ARAP1: variants seen among roughly 807,000 people sequenced by gnomAD.
The protein encoded by ARAP1 is ArfGAP with RhoGAP domain, ankyrin repeat and PH domain 1, also known as arf-GAP with Rho-GAP domain, ANK repeat and PH domain-containing protein 1.
Under a neutral mutation model 172.2 loss-of-function variants are expected in ARAP1, and 76 were observed. The ratio of observed to expected loss-of-function variants is 0.44; its 90% CI spans 0.37 to 0.53. ARAP1 has a LOEUF of 0.53. Among genes scored for constraint, ARAP1 ranks in the 20% least tolerant of loss-of-function variants. The probability of loss-of-function intolerance (pLI) is 0.00; values close to 1 mark genes in which losing one functional copy is unlikely to be tolerated. For missense variants in ARAP1, 1,686 were observed against 1,977.5 expected, an observed-to-expected ratio of 0.85 and a Z score of 2.80; for synonymous variants, 804 against 803.3, an observed-to-expected ratio of 1.00 and a Z score of -0.01.
At chr11:72,716,527 A>C (rs538770687) in intron 3 of ARAP1, among the ~76,000 whole-genome samples, 9 of 152,286 alleles carry the variant, frequency 5.9e-5, no homozygotes, top group Non-Finnish European at 1.2e-4. Context: ...AACTATAAGC[A>C]GATTCTATAT....
chr11:72,712,761 C>A (rs929622255), intron 5 of ARAP1, 193 bp from the exon 6 acceptor site: 3 of 908,018 alleles, frequency 3.3e-6, no homozygotes, highest in Non-Finnish European at 3.4e-6. Flanking sequence ...ACAGGAGAGC[C>A]AGTGGCAGAA....
chr11:72,686,696 T>A (rs1855701931), intron 33 of ARAP1, among the ~76,000 whole-genome samples: 1 of 152,082 alleles, frequency 6.6e-6, no homozygotes, highest in Non-Finnish European at 1.5e-5. Context: ...GGCTCAGGAG[T>A]CATCCCCACC....
rs1856983021 is a variant in ARAP1 at position 72,710,892 on chromosome 11, G to A, written c.1213+129C>T. The A allele has an allele frequency of 2.0e-6, 3 of 1,537,552 alleles. No homozygotes were observed. In the South Asian group the frequency reaches 3.8e-5, roughly 19 times the overall value. On this transcript the variant is annotated intron_variant, in intron 9 of 34. Coordinates refer to ENST00000393609, the MANE Select transcript of ARAP1 (RefSeq NM_001040118.3). The surrounding 1 kb of genome is among the most constrained non-coding windows in gnomAD (Gnocchi z 4.3). Reference sequence around the variant, plus strand: ...CCCCTTCCTCTGCCCACCTCACAAAGGCAGCATGCCTCCCCGGATGTGATG... The same window carrying A: ...CCCCTTCCTCTGCCCACCTCACAAAAGCAGCATGCCTCCCCGGATGTGATG...
intron 1 of ARAP1, among the ~76,000 whole-genome samples, chr11:72,747,522 C>G (rs1342999929): frequency 6.6e-6 from 1 of 152,130 alleles, no homozygotes; most frequent in Non-Finnish European, 1.5e-5. Flanking sequence ...GAAGGAAGCT[C>G]AACACTTCAG....
intron 16 of ARAP1, 88 bp downstream of exon 16, chr11:72,701,561 T>A (rs1856484237): frequency 1.3e-6 from 2 of 1,514,350 alleles, no homozygotes; most frequent in African/African-American, 1.4e-5. Flanking sequence ...TCTGCCAGAG[T>A]CCACCAGTCT....
In ARAP1 at chr11:72,693,403, C is replaced by T. The variant is rs1856026068; in HGVS notation, c.3876G>A (p.Leu1292=). The change falls in exon 29 of 35, where the codon CTG becomes CTA. Residue 1292 remains leucine (L), a synonymous_variant. Coordinates refer to ENST00000393609, the MANE Select transcript of ARAP1 (RefSeq NM_001040118.3). This position sits in a 1 kb window ranked among gnomAD's most constrained non-coding sequence, Gnocchi z 4.6. ...CGTGGAAGCCACCTGAGGGCAGGCC[C>T]AGGCCCAGGAGGCTGCGGTCCTCAC... The part of the protein sequence containing the change: ...KFREDRSLLG[L]GLPSGGFHDR... The T allele has an allele frequency of 1.2e-6, 2 of 1,613,930 alleles. No homozygotes were observed. Among genetic ancestry groups the T allele is most frequent in the East Asian group, 4.5e-5 (2 of 44,870 alleles).
Position 72,686,104 on chromosome 11 carries a change from G to C in ARAP1, c.4273C>G (p.Leu1425Val), listed in dbSNP as rs903144429. ...VRLGSVSLIP[L>V]RGSENEMRRS... The stretch of plus-strand genomic sequence containing the variant: ...CGCATTTCATTTTCACTACCTCGAA[G>C]GGGGATCAGTGACACACTACCCAGC... Residue 1425 changes from leucine to valine, a missense_variant, in exon 34 of 35, where the codon CTT becomes GTT. Physicochemically the swap from Leu to Val is conservative, Grantham distance 32 (BLOSUM62 1). Around this residue, in one of 5 missense-constraint regions of ARAP1, gnomAD observed 379 missense variants for 500.1 expected, o/e 0.76. Transcript: ENST00000393609. The C allele has an allele frequency of 1.2e-6, 2 of 1,613,978 alleles. No homozygotes were observed. The highest frequency in any genetic ancestry group is 1.6e-4 in the Middle Eastern group (1 of 6,084).
intron 30 of ARAP1, among the ~76,000 whole-genome samples, chr11:72,691,207 A>C (rs564926089): frequency 1.3e-5 from 2 of 152,352 alleles, no homozygotes; most frequent in African/African-American, 4.8e-5. Flanking sequence ...GGAAGTGGGG[A>C]CAGCCCTCTT....
At position 72,701,663 on chromosome 11, in the gene ARAP1, C is replaced by T. The variant is rs201682078; in HGVS notation, c.2288G>A (p.Arg763His). Residue 763 changes from arginine to histidine, a missense_variant, in exon 16 of 35, where the codon CGC becomes CAC. By Grantham distance (29) the Arg-to-His change is conservative. Around this residue, in one of 5 missense-constraint regions of ARAP1, gnomAD observed 688 missense variants for 856.9 expected, o/e 0.80. Transcript: ENST00000393609. ...GTGGCACCCACCTTCCCGGGCCCGGCGGTCCTGTAGCAGCTTGCCGGCAGA... is the reference window on the plus strand; with the variant it reads ...GTGGCACCCACCTTCCCGGGCCCGGTGGTCCTGTAGCAGCTTGCCGGCAGA... The part of the protein sequence containing the change: ...TASAGKLLQD[R>H]RAREEFSRRW... 15 of 1,613,248 alleles carry T rather than the reference C, an allele frequency of 9.3e-6. No individual in the cohort carries two copies. The highest frequency in any genetic ancestry group is 8.9e-5 in the East Asian group (4 of 44,838).
At chr11:72,716,029 C>T (rs1209538191) in intron 3 of ARAP1, among the ~76,000 whole-genome samples, 2 of 151,786 alleles carry the variant, frequency 1.3e-5, no homozygotes, top group African/African-American at 4.8e-5. Flanking sequence ...AAAAATTAGC[C>T]GGACGTGGTG....
In ARAP1 at chr11:72,711,007, C is replaced by T; in HGVS notation, c.1213+14G>A. On this transcript the variant is annotated intron_variant, in intron 9 of 34. Coordinates refer to ENST00000393609, the MANE Select transcript of ARAP1 (RefSeq NM_001040118.3). ...CCTCTTCTACACACACACACAACAC[C>T]CCACACTCCCCACCATCACTCTCTG... The T allele has an allele frequency of 6.2e-7, 1 of 1,614,108 alleles. No homozygotes were observed. The highest frequency in any genetic ancestry group is 8.5e-7 in the Non-Finnish European group (1 of 1,179,980).
intron 1 of ARAP1, among the ~76,000 whole-genome samples, chr11:72,746,263 T>C (rs1858361792): frequency 6.6e-6 from 1 of 152,130 alleles, no homozygotes; most frequent in African/African-American, 2.4e-5. Flanking sequence ...AGTGCCCCTC[T>C]GCTACCACCT....
chr11:72,721,686 T>A (rs567457645), intron 3 of ARAP1, among the ~76,000 whole-genome samples: 6 of 149,512 alleles, frequency 4.0e-5, no homozygotes, highest in African/African-American at 1.2e-4. Flanking sequence ...AGAGAAGAAG[T>A]GGGGAAAGTG....
At chr11:72,705,965 A>ACCCC in intron 12 of ARAP1, 75 bp from the exon 13 acceptor site, 1 of 1,491,968 alleles carries the variant, frequency 6.7e-7, no homozygotes, top group Non-Finnish European at 9.3e-7. Context: ...CCCAGTGTCT[A>ACCCC]CTGGGACAGG....
intron 1 of ARAP1, among the ~76,000 whole-genome samples, chr11:72,745,879 T>C (rs1337839058): frequency 4.6e-5 from 7 of 152,164 alleles, no homozygotes; most frequent in Non-Finnish European, 1.0e-4. Context: ...GCCTCTTGAG[T>C]GCAGCTGCTG....
Position 72,697,093 on chromosome 11 carries a change from T to C in ARAP1, c.3056A>G (p.Glu1019Gly). 6.2e-7 allele frequency: 1 copy of C among 1,609,374 alleles called. No homozygotes were observed. Among genetic ancestry groups the C allele is most frequent in the Non-Finnish European group, 8.5e-7 (1 of 1,179,924 alleles). The change falls in exon 22 of 35, where the codon GAG becomes GGG. Residue 1019 changes from glutamate (E) to glycine (G), a missense_variant. Physicochemically the swap from Glu to Gly is moderately conservative, Grantham distance 98. Transcript: ENST00000393609. ...RQDARSVHLK[E>G]GEQHVDDVSS... ...AACATCATCCACGTGCTGCTCGCCC[T>C]CCTTGAGGTGCACAGAGCGCGCATC...
In ARAP1 at chr11:72,696,971, T is replaced by C. The variant is rs773825529; in HGVS notation, c.3166+12A>G. 5 of 1,599,814 alleles carry C rather than the reference T, an allele frequency of 3.1e-6. No homozygotes were observed. The highest frequency in any genetic ancestry group is 4.2e-6 in the Non-Finnish European group (5 of 1,178,006). Reference sequence around the variant, plus strand: ...GAGGAGGAGGAGGCTGGGCACGGGCTGCAGGGCCCACCTGAGGCCTCCAGC... The same window carrying C: ...GAGGAGGAGGAGGCTGGGCACGGGCCGCAGGGCCCACCTGAGGCCTCCAGC... On this transcript the variant is annotated intron_variant, in intron 22 of 34. Transcript: ENST00000393609.
At chr11:72,692,228 G>A (rs890771175) in intron 30 of ARAP1, among the ~76,000 whole-genome samples, 8 of 152,142 alleles carry the variant, frequency 5.3e-5, no homozygotes, top group Admixed American at 1.3e-4. Flanking sequence ...CCCCAAGGGC[G>A]GAGGGATGAG....
intron 23 of ARAP1, 116 bp downstream of exon 23, chr11:72,696,433 G>C (rs1438976611): frequency 1.4e-6 from 1 of 738,112 alleles, no homozygotes; most frequent in East Asian, 2.9e-5. Context: ...GCAGATCACA[G>C]TCAGCACTTG....
Sources: gnomAD v4.1 joint callset for allele counts (sites outside exome capture counted in the v4.1 genomes callset) on GRCh38, gnomAD v4.1.1 for gene constraint, gnomAD v4.1.1 regional missense constraint, Gnocchi (gnomAD v3.1) non-coding constraint, MANE v1.5 for transcripts, NCBI Gene and HGNC (gene_info 2026-07-23, HGNC 2026-07-21) for gene names.